Variants in HECW1 observed in about 807,000 individuals in gnomAD.
HECW1 encodes HECT, C2 and WW domain containing E3 ubiquitin protein ligase 1.
HECW1 carries 61 observed loss-of-function variants against 182.3 expected under a neutral mutation model. The ratio of observed to expected loss-of-function variants is 0.33; its 90% CI spans 0.27 to 0.41. The LOEUF (loss-of-function observed/expected upper bound fraction) is 0.41, where lower values mean the gene tolerates loss of function less well. Among genes scored for constraint, HECW1 ranks in the 10% least tolerant of loss-of-function variants. The pLI, the probability that HECW1 is intolerant of heterozygous loss-of-function variation, is 1.00. For missense variants in HECW1, 1,739 were observed against 2,108.9 expected (o/e 0.82, Z 3.44); for synonymous variants, 859 against 832.6 (o/e 1.03, Z -0.55).
chr7:43,434,124 G>C (rs1451104862), intron 8 of HECW1, among the ~76,000 whole-genome samples: 2 of 152,292 alleles, frequency 1.3e-5, no homozygotes, highest in Admixed American at 6.5e-5. Flanking sequence ...GAAACAAAGA[G>C]TGTGCCTTAG....
At chr7:43,250,547 A>C (rs951102473) in intron 3 of HECW1, among the ~76,000 whole-genome samples, 4 of 152,202 alleles carry the variant, frequency 2.6e-5, no homozygotes, top group Non-Finnish European at 5.9e-5. Flanking sequence ...GGAAGTGCTA[A>C]GAAGAGAGGA....
chr7:43,158,781 C>T (rs537769305), intron 2 of HECW1, among the ~76,000 whole-genome samples: 1 of 152,330 alleles, frequency 6.6e-6, no homozygotes, highest in Non-Finnish European at 1.5e-5. Context: ...CTGCACCATG[C>T]TCGTGGTTTA....
chr7:43,332,974 G>T (rs1811685023), intron 5 of HECW1, among the ~76,000 whole-genome samples: 1 of 152,166 alleles, frequency 6.6e-6, no homozygotes, highest in Non-Finnish European at 1.5e-5. Context: ...ATAGGACTGG[G>T]ATGGGAACCA....
intron 13 of HECW1, among the ~76,000 whole-genome samples, chr7:43,462,228 C>G (rs538770736): frequency 2.6e-5 from 4 of 152,204 alleles, no homozygotes; most frequent in African/African-American, 9.6e-5. Flanking sequence ...CCCTTCATTG[C>G]TTTCCTGGAG....
At chr7:43,120,960 C>A (rs890514472) in intron 2 of HECW1, among the ~76,000 whole-genome samples, 2 of 152,064 alleles carry the variant, frequency 1.3e-5, no homozygotes, top group African/African-American at 4.8e-5. Flanking sequence ...GCAGATAAAA[C>A]CCCCCTAAAA....
At chr7:43,247,691 GGAAGGAAGGGGAGAGGGAGGGAGGGAA>G (rs1277034107) in intron 3 of HECW1, among the ~76,000 whole-genome samples, 17 of 139,702 alleles carry the variant, frequency 1.2e-4, no homozygotes, top group African/African-American at 4.5e-4. Context: ...GAGGGAGGGA[GGAAGGAAGGGGAGAGGGAGGGAGGGAA>G]GAAGGAAGGA....
chr7:43,320,110 G>C (rs1352255626), intron 4 of HECW1, among the ~76,000 whole-genome samples: 1 of 152,174 alleles, frequency 6.6e-6, no homozygotes, highest in East Asian at 1.9e-4. Flanking sequence ...ATGAATGCAT[G>C]AGTGCATGAT....
chr7:43,215,615 G>A (rs1796374423), intron 2 of HECW1, among the ~76,000 whole-genome samples: 1 of 152,140 alleles, frequency 6.6e-6, no homozygotes. Flanking sequence ...GTCAGAAAAT[G>A]TTATCACCAC....
chr7:43,546,930 C>T (rs1366509150), intron 26 of HECW1, among the ~76,000 whole-genome samples: 1 of 152,070 alleles, frequency 6.6e-6, no homozygotes, highest in East Asian at 1.9e-4. Flanking sequence ...GCTTTTTTTC[C>T]AGAACGGGGC....
chr7:43,515,857 G>A (rs17208912), intron 24 of HECW1, among the ~76,000 whole-genome samples: 28,175 of 152,136 alleles, frequency 0.19, 3,062 homozygotes, highest in South Asian at 0.3. Flanking sequence ...TAAAATGCTC[G>A]CATATTTTGA....
chr7:43,248,695 TTTCCTCCTC>T (rs1799691897), intron 3 of HECW1: 1 of 46,666 alleles, frequency 2.1e-5, no homozygotes, highest in African/African-American at 7.1e-5. Context: ...TCCTCCTCCT[TTTCCTCCTC>T]CTCCTCCTCC....
chr7:43,486,215 G>C (rs988239501), intron 17 of HECW1, among the ~76,000 whole-genome samples: 1 of 152,062 alleles, frequency 6.6e-6, no homozygotes, highest in Non-Finnish European at 1.5e-5. Flanking sequence ...TATTATGGCT[G>C]CATAGTATTC....
intron 7 of HECW1, among the ~76,000 whole-genome samples, chr7:43,404,209 C>T (rs529212569): frequency 6.6e-6 from 1 of 152,318 alleles, no homozygotes; most frequent in Non-Finnish European, 1.5e-5. Context: ...AAACGTATAT[C>T]TCAGTGAGTA....
intron 3 of HECW1, among the ~76,000 whole-genome samples, chr7:43,268,035 A>G (rs1801979524): frequency 6.6e-6 from 1 of 152,234 alleles, no homozygotes; most frequent in African/African-American, 2.4e-5. Context: ...GCCACTTCAT[A>G]TTGGTGCTAG....
At chr7:43,227,149 C>A (rs1797501997) in intron 2 of HECW1, among the ~76,000 whole-genome samples, 1 of 152,118 alleles carries the variant, frequency 6.6e-6, no homozygotes, top group South Asian at 2.1e-4. Context: ...TAAATGCATT[C>A]CTGTCACTGA....
At chr7:43,457,774 CAAA>C (rs71011918) in intron 13 of HECW1, among the ~76,000 whole-genome samples, 2 of 112,294 alleles carry the variant, frequency 1.8e-5, no homozygotes, top group African/African-American at 3.3e-5. Flanking sequence ...GACTCCATCT[CAAA>C]AAAAAAAAAA....
At chr7:43,307,224 A>G (rs1394001334) in intron 3 of HECW1, among the ~76,000 whole-genome samples, 1 of 152,196 alleles carries the variant, frequency 6.6e-6, no homozygotes, top group Non-Finnish European at 1.5e-5. Context: ...GCCCGTAACT[A>G]GGGCCACGTG....
chr7:43,381,607 G>T (rs1436618338), intron 6 of HECW1, among the ~76,000 whole-genome samples: 1 of 151,086 alleles, frequency 6.6e-6, no homozygotes, highest in Admixed American at 6.6e-5. Flanking sequence ...CTCCTGTCTC[G>T]ACCTCTCAAG....
intron 11 of HECW1, among the ~76,000 whole-genome samples, chr7:43,447,252 C>A (rs1322581865): frequency 1.3e-5 from 2 of 151,384 alleles, no homozygotes; most frequent in African/African-American, 4.9e-5. Context: ...AGTTTTTTGG[C>A]CCCCATGTTG....
Sources: allele counts gnomAD v4.1 joint callset (sites outside exome capture counted in the v4.1 genomes callset), GRCh38; gene constraint gnomAD v4.1.1; transcripts MANE v1.5; gene names NCBI Gene and HGNC (gene_info 2026-07-23, HGNC 2026-07-21).